RORA: variants seen among roughly 807,000 people sequenced by gnomAD.
The protein encoded by RORA is RAR related orphan receptor A.
RORA carries 7 observed loss-of-function variants against 69.5 expected under a neutral mutation model. The ratio of observed to expected loss-of-function variants is 0.10; its 90% CI spans 0.06 to 0.19. The LOEUF (loss-of-function observed/expected upper bound fraction) is 0.19. Among genes scored for constraint, RORA ranks in the 10% least tolerant of loss-of-function variants. The pLI is 1.00. For synonymous variants in RORA, 261 were observed against 240.8 expected, an observed-to-expected ratio of 1.08 and a Z score of -0.78; for missense variants, 457 against 663.0, an observed-to-expected ratio of 0.69 and a Z score of 3.41.
chr15:60,643,972 A>G (rs2069990909), intron 2 of RORA, among the ~76,000 whole-genome samples: 1 of 152,136 alleles, frequency 6.6e-6, no homozygotes, highest in Non-Finnish European at 1.5e-5. Flanking sequence ...AACCAAAGTG[A>G]CTTTGGGAAT....
Position 60,715,061 on chromosome 15 carries a change from G to A in RORA, c.167-36375C>T, listed in dbSNP as rs575766337. ...AGCTAGGTTGGATGACTATGCTGTTGGAAAGTGCTGGGCCTTGTAAGACTT... is the reference window on the plus strand; with the variant it reads ...AGCTAGGTTGGATGACTATGCTGTTAGAAAGTGCTGGGCCTTGTAAGACTT... On this transcript the variant is annotated intron_variant, in intron 1 of 10. Transcript: ENST00000335670. Among the ~76,000 whole-genome samples the A allele has an allele frequency of 3.9e-5, 6 of 152,254 alleles. No homozygotes were observed. The East Asian group carries it at 7.7e-4, about 20-fold the overall frequency.
intron 1 of RORA, among the ~76,000 whole-genome samples, chr15:60,773,127 G>T (rs1211871414): frequency 6.6e-6 from 1 of 152,128 alleles, no homozygotes; most frequent in Non-Finnish European, 1.5e-5. Context: ...CAGCTCATTT[G>T]CACCTGAAGG....
intron 1 of RORA, among the ~76,000 whole-genome samples, chr15:61,047,763 T>C (rs567247040): frequency 1.5e-4 from 23 of 152,310 alleles, no homozygotes; most frequent in African/African-American, 5.5e-4. Flanking sequence ...AAATTATTTA[T>C]ATATGCAATA....
chr15:61,049,292 G>A (rs941581295), intron 1 of RORA, among the ~76,000 whole-genome samples: 2 of 152,186 alleles, frequency 1.3e-5, no homozygotes, highest in African/African-American at 4.8e-5. Context: ...TCAGCACAGA[G>A]ATGAGCATGG....
chr15:60,876,696 G>T (rs2140441734), intron 1 of RORA, among the ~76,000 whole-genome samples: 1 of 152,064 alleles, frequency 6.6e-6, no homozygotes, highest in Admixed American at 6.5e-5. Context: ...TTCATCTAGT[G>T]TTTATGCTTC....
intron 2 of RORA, among the ~76,000 whole-genome samples, chr15:60,586,142 C>T (rs1387231876): frequency 6.6e-6 from 1 of 152,002 alleles, no homozygotes; most frequent in Non-Finnish European, 1.5e-5. Context: ...TCCACTTTCA[C>T]AAACAATGAT....
chr15:60,580,483 A>G (rs1487982652), intron 2 of RORA, among the ~76,000 whole-genome samples: 1 of 152,242 alleles, frequency 6.6e-6, no homozygotes, highest in African/African-American at 2.4e-5. Context: ...AATTCCCTGT[A>G]CTACATTAGG....
At chr15:60,554,212 C>G (rs1161381705) in intron 2 of RORA, among the ~76,000 whole-genome samples, 1 of 152,082 alleles carries the variant, frequency 6.6e-6, no homozygotes, top group East Asian at 1.9e-4. Flanking sequence ...AAGTGAAACA[C>G]ATATAGCTAT....
At position 61,053,184 on chromosome 15, in the gene RORA, C is replaced by A. The variant is rs114984221; in HGVS notation, c.166+175869G>T. Among the ~76,000 whole-genome samples the A allele has an allele frequency of 6.1e-3, 923 of 152,276 alleles. 17 individuals are homozygous for A. The highest frequency in any genetic ancestry group is 0.02 in the African/African-American group (849 of 41,564). Reference sequence around the variant, plus strand: ...TCACTCGCTTTTCACCCAAAGTCAACAGTCTTGATTCCTCATATTTTAAGG... The same window carrying A: ...TCACTCGCTTTTCACCCAAAGTCAAAAGTCTTGATTCCTCATATTTTAAGG... On this transcript the variant is annotated intron_variant, in intron 1 of 10. Transcript: ENST00000335670.
intron 1 of RORA, among the ~76,000 whole-genome samples, chr15:61,007,345 C>T (rs989205059): frequency 3.3e-5 from 5 of 151,968 alleles, no homozygotes; most frequent in African/African-American, 1.2e-4. Flanking sequence ...ATGATACGGA[C>T]TAAAACAAGG....
chr15:61,082,718 A>G (rs1460647726), intron 1 of RORA, among the ~76,000 whole-genome samples: 3 of 152,164 alleles, frequency 2.0e-5, no homozygotes, highest in Admixed American at 6.5e-5. Flanking sequence ...TCTTTCACAG[A>G]AAGAGTTATA....
chr15:60,887,539 C>T (rs149238413), intron 1 of RORA, among the ~76,000 whole-genome samples: 95 of 152,156 alleles, frequency 6.2e-4, no homozygotes, highest in Non-Finnish European at 9.3e-4. Flanking sequence ...AAGAAGCAGG[C>T]GGACAAAATG....
intron 1 of RORA, among the ~76,000 whole-genome samples, chr15:60,934,901 TC>T (rs1382583551): frequency 6.6e-6 from 1 of 152,342 alleles, no homozygotes; most frequent in Non-Finnish European, 1.5e-5. Flanking sequence ...CACTGCCTGT[TC>T]CTTGCCTATA....
At chr15:60,910,079 C>A (rs572195719) in intron 1 of RORA, among the ~76,000 whole-genome samples, 3 of 152,282 alleles carry the variant, frequency 2.0e-5, no homozygotes, top group East Asian at 3.9e-4. Flanking sequence ...TTCTACCCAA[C>A]ATGCCAATAA....
chr15:60,939,622 G>A (rs781029193), intron 1 of RORA, among the ~76,000 whole-genome samples: 2 of 152,202 alleles, frequency 1.3e-5, no homozygotes, highest in Non-Finnish European at 2.9e-5. Context: ...TCGGCCATCA[G>A]TCACCACTCC....
At chr15:61,099,830 A>G (rs2078850923) in intron 1 of RORA, among the ~76,000 whole-genome samples, 1 of 152,236 alleles carries the variant, frequency 6.6e-6, no homozygotes, top group Non-Finnish European at 1.5e-5. Context: ...AACAAAGTTC[A>G]AATCCTTCTA....
chr15:61,055,046 A>G (rs2078074986), intron 1 of RORA, among the ~76,000 whole-genome samples: 1 of 152,052 alleles, frequency 6.6e-6, no homozygotes, highest in African/African-American at 2.4e-5. Flanking sequence ...TATGTTGCCC[A>G]GACTGGTCTC....
rs887739068 is a variant in RORA at position 60,489,582 on chromosome 15, T to C, written c.*7873A>G. The C allele has an allele frequency of 2.0e-5, 3 of 152,244 alleles. No individual in the cohort carries two copies. Among genetic ancestry groups the C allele is most frequent in the Non-Finnish European group, 4.4e-5 (3 of 68,046 alleles). The allele number at this position is 152,244 out of a possible 1,614,324, so 9.4% of individuals were successfully genotyped here. On this transcript the variant is annotated 3_prime_UTR_variant, in exon 11 of 11. Coordinates refer to ENST00000335670, the MANE Select transcript of RORA (RefSeq NM_134261.3). The stretch of plus-strand genomic sequence containing the variant: ...GGGTAGAAAGGCTTAATTAAGCTAC[T>C]TATTAAATAACTTTGAAAATGAAGG...
chr15:60,841,935 G>A (rs1030406139), intron 1 of RORA, among the ~76,000 whole-genome samples: 2 of 152,178 alleles, frequency 1.3e-5, no homozygotes, highest in East Asian at 1.9e-4. Flanking sequence ...CCTGGGTCCA[G>A]TGATCCCAGA....
Sources: allele counts gnomAD v4.1 joint callset (sites outside exome capture counted in the v4.1 genomes callset), GRCh38; gene constraint gnomAD v4.1.1; transcripts MANE v1.5; gene names NCBI Gene and HGNC (gene_info 2026-07-23, HGNC 2026-07-21).